The following MGAT2 variants were observed in gnomAD, a reference collection of about 807,000 sequenced individuals.
MGAT2 encodes the protein alpha-1,6-mannosyl-glycoprotein 2-beta-N-acetylglucosaminyltransferase.
MGAT2 carries 17 observed loss-of-function variants against 33.8 expected under a neutral mutation model. That is an observed-to-expected ratio of 0.50 (90% CI 0.34 to 0.76). MGAT2 has a LOEUF of 0.76. Among genes scored for constraint, MGAT2 ranks in the 30% least tolerant of loss-of-function variants. MGAT2 has a pLI of 0.01. For missense variants in MGAT2, 529 were observed against 553.9 expected (o/e 0.96, Z 0.45); for synonymous variants, 248 against 226.7 (o/e 1.09, Z -0.84).
chr14:49,621,024 G>C lies in MGAT2; in HGVS notation c.-245G>C. ...ACGAAGCCGAGCCGCGGCTCCTAGC[G>C]GCGGCGCCGATGCTCGAGCTGTAGC... On this transcript the variant is annotated 5_prime_UTR_variant, in exon 1 of 1. Coordinates refer to ENST00000305386, the MANE Select transcript of MGAT2 (RefSeq NM_002408.4). This position sits in a 1 kb window ranked among gnomAD's most constrained non-coding sequence, Gnocchi z 4.6. 1.4e-6 allele frequency: 1 copy of C among 707,936 alleles called. No individual in the cohort carries two copies. The highest frequency in any genetic ancestry group is 2.6e-6 in the Non-Finnish European group (1 of 390,286). The allele number at this position is 707,936 out of a possible 1,614,324, so 43.9% of individuals were successfully genotyped here.
rs1271938574 is a variant in MGAT2 at position 49,622,850 on chromosome 14, ATTG to A, written c.*242_*244del. 7 of 353,134 alleles carry A rather than the reference ATTG, an allele frequency of 2.0e-5. No homozygotes were observed. Among genetic ancestry groups the A allele is most frequent in the Admixed American group, 4.3e-5 (1 of 23,100 alleles). 21.9% of individuals were successfully genotyped at this position (353,134 alleles called of 1,614,324 possible). A position where few individuals can be genotyped will look rare whatever the true frequency, so the allele number is the denominator to read the frequency against. ...AATCTGTTATCTGCTAAAATTGATT[ATTG>A]TTGATATGAGAGAAGAGGGGAAATT... On this transcript the variant is annotated 3_prime_UTR_variant, in exon 1 of 1. Coordinates refer to ENST00000305386, the MANE Select transcript of MGAT2 (RefSeq NM_002408.4).
In MGAT2 at chr14:49,621,097, G is replaced by A. The variant is rs1278847888; in HGVS notation, c.-172G>A. 8 of 922,560 alleles carry A rather than the reference G, an allele frequency of 8.7e-6. 1 individual carries two copies. Among genetic ancestry groups the A allele is most frequent in the African/African-American group, 4.9e-5 (3 of 60,866 alleles). 57.1% of individuals were successfully genotyped at this position (922,560 alleles called of 1,614,324 possible). On this transcript the variant is annotated 5_prime_UTR_variant, in exon 1 of 1. Coordinates refer to ENST00000305386, the MANE Select transcript of MGAT2 (RefSeq NM_002408.4). The surrounding 1 kb of genome is among the most constrained non-coding windows in gnomAD (Gnocchi z 4.6). ...CGCAGGCGGCGCGGGGTAAATGAGAGGTCTCGGGCCCCAGGACCCCCGGGG... is the reference window on the plus strand; with the variant it reads ...CGCAGGCGGCGCGGGGTAAATGAGAAGTCTCGGGCCCCAGGACCCCCGGGG...
rs1236926817 is a variant in MGAT2 at position 49,622,556 on chromosome 14, G to A, written c.1288G>A (p.Gly430Arg). ...VAISPPRKNG[G>R]WGDIRDHELC... Reference sequence around the variant, plus strand: ...CATTTCCCCACCTAGAAAAAATGGAGGGTGGGGAGATATTAGGGACCATGA... The same window carrying A: ...CATTTCCCCACCTAGAAAAAATGGAAGGTGGGGAGATATTAGGGACCATGA... Residue 430 changes from glycine to arginine, a missense_variant, in exon 1 of 1, where the codon GGG becomes AGG. Physicochemically the swap from Gly to Arg is moderately radical, Grantham distance 125. Coordinates refer to ENST00000305386, the MANE Select transcript of MGAT2 (RefSeq NM_002408.4). 1 of 1,589,812 alleles carries A rather than the reference G, an allele frequency of 6.3e-7. No individual in the cohort carries two copies. The highest frequency in any genetic ancestry group is 1.4e-5 in the African/African-American group (1 of 73,430).
In MGAT2 at chr14:49,621,317, G is replaced by A. The variant is rs1353506273; in HGVS notation, c.49G>A (p.Val17Met). 1 of 1,612,556 alleles carries A rather than the reference G, an allele frequency of 6.2e-7. No individual in the cohort carries two copies. The highest frequency in any genetic ancestry group is 1.7e-5 in the Admixed American group (1 of 60,020). ...GAAGGTGCTAATCCTGACGCTCGTG[G>A]TGGCCGCCTGCGGCTTCGTCCTCTG... ...KRKVLILTLVVAACGFVLWSS... is the reference protein window; with the variant it reads ...KRKVLILTLVMAACGFVLWSS... The change falls in exon 1 of 1, where the codon GTG (valine) becomes ATG (methionine). Residue 17 changes from valine (V) to methionine (M), a missense_variant. Transcript: ENST00000305386. The surrounding 1 kb of genome is among the most constrained non-coding windows in gnomAD (Gnocchi z 4.6).
In MGAT2 at chr14:49,621,699, T is replaced by A; in HGVS notation, c.431T>A (p.Ile144Asn). 6.2e-7 allele frequency: 1 copy of A among 1,614,204 alleles called. No individual in the cohort carries two copies. Among genetic ancestry groups the A allele is most frequent in the South Asian group, 1.1e-5 (1 of 91,086 alleles). ...GACTCACTTCGAAAAGCCCAGGGAATTGACAACGTCCTCGTCATCTTTAGC... is the reference window on the plus strand; with the variant it reads ...GACTCACTTCGAAAAGCCCAGGGAAATGACAACGTCCTCGTCATCTTTAGC... ...LLDSLRKAQG[I>N]DNVLVIFSHD... The change falls in exon 1 of 1, where the codon ATT (isoleucine) becomes AAT (asparagine). Residue 144 changes from isoleucine (I) to asparagine (N), a missense_variant. Coordinates refer to ENST00000305386, the MANE Select transcript of MGAT2 (RefSeq NM_002408.4). The surrounding 1 kb of genome is among the most constrained non-coding windows in gnomAD (Gnocchi z 4.6).
rs1882825210 is a variant in MGAT2 at position 49,620,961 on chromosome 14, T to A, written c.-308T>A. The A allele has an allele frequency of 2.8e-6, 2 of 702,196 alleles. No homozygotes were observed. Among genetic ancestry groups the A allele is most frequent in the East Asian group, 2.7e-5 (1 of 37,246 alleles). The allele number at this position is 702,196 out of a possible 1,614,324, so 43.5% of individuals were successfully genotyped here. The stretch of plus-strand genomic sequence containing the variant: ...GTGCGGTTGGGACCGCGGCTGAGCT[T>A]TTTCCGGGACCCGTGGTGCTGAATG... On this transcript the variant is annotated 5_prime_UTR_variant, in exon 1 of 1. Transcript: ENST00000305386.
At position 49,622,111 on chromosome 14, in the gene MGAT2, A is replaced by C. The variant is rs1456405069; in HGVS notation, c.843A>C (p.Gln281His). ...VFKKMWKLKQ[Q>H]ECPECDVLSL... ...AAAAGATGTGGAAACTGAAGCAGCA[A>C]GAGTGCCCTGAATGTGATGTTCTCT... The change falls in exon 1 of 1, where the codon CAA becomes CAC. Residue 281 changes from glutamine (Q) to histidine (H), a missense_variant. Coordinates refer to ENST00000305386, the MANE Select transcript of MGAT2 (RefSeq NM_002408.4). The C allele has an allele frequency of 1.2e-6, 2 of 1,614,210 alleles. No individual in the cohort carries two copies. The highest frequency in any genetic ancestry group is 1.1e-5 in the South Asian group (1 of 91,092).
Position 49,622,708 on chromosome 14 carries a change from T to G in MGAT2, c.*96T>G. On this transcript the variant is annotated 3_prime_UTR_variant, in exon 1 of 1. Coordinates refer to ENST00000305386, the MANE Select transcript of MGAT2 (RefSeq NM_002408.4). ...AAGAGTTTAGGAACTGGTTTCTGCTTTAATACAAAAACAAAATCTTGTAAA... is the reference window on the plus strand; with the variant it reads ...AAGAGTTTAGGAACTGGTTTCTGCTGTAATACAAAAACAAAATCTTGTAAA... 1.5e-6 allele frequency: 2 copies of G among 1,319,650 alleles called. No homozygotes were observed. Among genetic ancestry groups the G allele is most frequent in the East Asian group, 4.9e-5 (2 of 40,444 alleles). The allele number at this position is 1,319,650 out of a possible 1,614,324, so 81.7% of individuals were successfully genotyped here.
chr14:49,622,742 A>G lies in MGAT2; in HGVS notation c.*130A>G, dbSNP rs1461544738. On this transcript the variant is annotated 3_prime_UTR_variant, in exon 1 of 1. Coordinates refer to ENST00000305386, the MANE Select transcript of MGAT2 (RefSeq NM_002408.4). ...AAACAAAATCTTGTAAAAGGTGTCC[A>G]AATACATAGTAATCTTTTCCAGTTA... is the stretch of plus-strand genomic sequence containing the variant. The G allele has an allele frequency of 7.0e-6, 6 of 858,292 alleles. No individual in the cohort carries two copies. Among genetic ancestry groups the G allele is most frequent in the Non-Finnish European group, 8.6e-6 (5 of 583,266 alleles). 53.2% of individuals were successfully genotyped at this position (858,292 alleles called of 1,614,324 possible).
rs948690045 is a variant in MGAT2 at position 49,620,982 on chromosome 14, G to C, written c.-287G>C. ...AGCTTTTTCCGGGACCCGTGGTGCTGAATGGAGAGGACGGAGACGAAGCCG... is the reference window on the plus strand; with the variant it reads ...AGCTTTTTCCGGGACCCGTGGTGCTCAATGGAGAGGACGGAGACGAAGCCG... On this transcript the variant is annotated 5_prime_UTR_variant, in exon 1 of 1. Transcript: ENST00000305386. 1.9e-5 allele frequency: 13 copies of C among 702,578 alleles called. No homozygotes were observed. Among genetic ancestry groups the C allele is most frequent in the Non-Finnish European group, 3.4e-5 (13 of 385,268 alleles). 43.5% of individuals were successfully genotyped at this position (702,578 alleles called of 1,614,324 possible). A position where few individuals can be genotyped will look rare whatever the true frequency, so the allele number is the denominator to read the frequency against.
At position 49,621,944 on chromosome 14, in the gene MGAT2, A is replaced by G; in HGVS notation, c.676A>G (p.Lys226Glu). ...CTCCTTCGGCCATTATAGAGAGGCC[A>G]AATTCTCCCAGACCAAACATCACTG... ...PDSFGHYREAKFSQTKHHWWW... is the reference protein window; with the variant it reads ...PDSFGHYREAEFSQTKHHWWW... Residue 226 changes from lysine (K) to glutamate (E), a missense_variant, in exon 1 of 1, where the codon AAA (lysine) becomes GAA (glutamate). Physicochemically the swap from Lys to Glu is moderately conservative, Grantham distance 56. This residue lies in a region of MGAT2 where 501 missense variants were observed against 501.1 expected (regional missense o/e 1.00). Coordinates refer to ENST00000305386, the MANE Select transcript of MGAT2 (RefSeq NM_002408.4). This position sits in a 1 kb window ranked among gnomAD's most constrained non-coding sequence, Gnocchi z 4.6. 1.2e-6 allele frequency: 2 copies of G among 1,614,224 alleles called. No individual in the cohort carries two copies. The highest frequency in any genetic ancestry group is 1.7e-6 in the Non-Finnish European group (2 of 1,180,038).
chr14:49,621,319 G>T lies in MGAT2; in HGVS notation c.51G>T (p.Val17=). 1 of 1,612,536 alleles carries T rather than the reference G, an allele frequency of 6.2e-7. No individual in the cohort carries two copies. Among genetic ancestry groups the T allele is most frequent in the Non-Finnish European group, 8.5e-7 (1 of 1,179,790 alleles). ...KRKVLILTLV[V]AACGFVLWSS... ...AGGTGCTAATCCTGACGCTCGTGGT[G>T]GCCGCCTGCGGCTTCGTCCTCTGGA... The change falls in exon 1 of 1, where the codon GTG becomes GTT. Residue 17 remains valine, a synonymous_variant. Coordinates refer to ENST00000305386, the MANE Select transcript of MGAT2 (RefSeq NM_002408.4). This position sits in a 1 kb window ranked among gnomAD's most constrained non-coding sequence, Gnocchi z 4.6.
In MGAT2 at chr14:49,621,337, C is replaced by G; in HGVS notation, c.69C>G (p.Val23=). ...LTLVVAACGF[V]LWSSNGRQRK... is the part of the protein sequence containing the mutation. ...TCGTGGTGGCCGCCTGCGGCTTCGTCCTCTGGAGCAGCAATGGGCGACAAA... is the reference window on the plus strand; with the variant it reads ...TCGTGGTGGCCGCCTGCGGCTTCGTGCTCTGGAGCAGCAATGGGCGACAAA... Residue 23 remains valine, a synonymous_variant, in exon 1 of 1, where the codon GTC becomes GTG. Coordinates refer to ENST00000305386, the MANE Select transcript of MGAT2 (RefSeq NM_002408.4). This position sits in a 1 kb window ranked among gnomAD's most constrained non-coding sequence, Gnocchi z 4.6. 6.2e-7 allele frequency: 1 copy of G among 1,612,548 alleles called. No homozygotes were observed. Among genetic ancestry groups the G allele is most frequent in the Non-Finnish European group, 8.5e-7 (1 of 1,179,772 alleles).
Position 49,621,894 on chromosome 14 carries a change from G to T in MGAT2, c.626G>T (p.Gly209Val). The change falls in exon 1 of 1, where the codon GGG becomes GTG. Residue 209 changes from glycine (G) to valine (V), a missense_variant. Transcript: ENST00000305386. The surrounding 1 kb of genome is among the most constrained non-coding windows in gnomAD (Gnocchi z 4.6). The stretch of plus-strand genomic sequence containing the variant: ...CCGAAGAATGCCGCTTTGAAATTGG[G>T]GTGCATCAATGCTGAGTATCCCGAC... The part of the protein sequence containing the change: ...DLPKNAALKL[G>V]CINAEYPDSF... 1 of 1,614,154 alleles carries T rather than the reference G, an allele frequency of 6.2e-7. No homozygotes were observed.
chr14:49,621,066 G>A lies in MGAT2; in HGVS notation c.-203G>A. Reference sequence around the variant, plus strand: ...AGCTGTAGCTGCCAGGCGAGGATGTGTGGAGCGCAGGCGGCGCGGGGTAAA... The same window carrying A: ...AGCTGTAGCTGCCAGGCGAGGATGTATGGAGCGCAGGCGGCGCGGGGTAAA... On this transcript the variant is annotated 5_prime_UTR_variant, in exon 1 of 1. The change creates a new upstream start codon in the 5' untranslated region. Coordinates refer to ENST00000305386, the MANE Select transcript of MGAT2 (RefSeq NM_002408.4). The surrounding 1 kb of genome is among the most constrained non-coding windows in gnomAD (Gnocchi z 4.6). The A allele has an allele frequency of 1.3e-6, 1 of 766,064 alleles. No individual in the cohort carries two copies. The highest frequency in any genetic ancestry group is 2.3e-6 in the Non-Finnish European group (1 of 444,436). The allele number at this position is 766,064 out of a possible 1,614,324, so 47.5% of individuals were successfully genotyped here.
rs1882879872 is a variant in MGAT2, at chr14:49,622,355, A to C, written c.1087A>C (p.Lys363Gln). ...LTVSCLPKFW[K>Q]VLVPQIPRIF... ...TGTATCTTGTCTTCCAAAATTCTGG[A>C]AAGTGCTGGTTCCTCAAATTCCTAG... The change falls in exon 1 of 1, where the codon AAA (lysine) becomes CAA (glutamine). Residue 363 changes from lysine to glutamine, a missense_variant. By Grantham distance (53) the Lys-to-Gln change is moderately conservative (BLOSUM62 1). Around this residue, in one of 2 missense-constraint regions of MGAT2, gnomAD observed 501 missense variants for 501.1 expected, o/e 1.00. Transcript: ENST00000305386. 1 of 1,614,062 alleles carries C rather than the reference A, an allele frequency of 6.2e-7. No individual in the cohort carries two copies. The highest frequency in any genetic ancestry group is 1.3e-5 in the African/African-American group (1 of 74,934).
chr14:49,621,260 C>T lies in MGAT2; in HGVS notation c.-9C>T, dbSNP rs776575035. 3.1e-6 allele frequency: 5 copies of T among 1,612,078 alleles called. No individual in the cohort carries two copies. Among genetic ancestry groups the T allele is most frequent in the Non-Finnish European group, 4.2e-6 (5 of 1,179,788 alleles). On this transcript the variant is annotated 5_prime_UTR_variant, in exon 1 of 1. Coordinates refer to ENST00000305386, the MANE Select transcript of MGAT2 (RefSeq NM_002408.4). The surrounding 1 kb of genome is among the most constrained non-coding windows in gnomAD (Gnocchi z 4.6). Reference sequence around the variant, plus strand: ...CGCCCGCCCGCCTGCGCTCCCGGCCCTGGAGACCATGAGGTTCCGCATCTA... The same window carrying T: ...CGCCCGCCCGCCTGCGCTCCCGGCCTTGGAGACCATGAGGTTCCGCATCTA...
rs1882892876 is a variant in MGAT2, at chr14:49,622,769, G to A, written c.*157G>A. ...ATACATAGTAATCTTTTCCAGTTAT[G>A]TCTGATTAAGATTTAAAACTGAAGG... On this transcript the variant is annotated 3_prime_UTR_variant, in exon 1 of 1. Transcript: ENST00000305386. The A allele has an allele frequency of 3.0e-6, 2 of 664,880 alleles. No homozygotes were observed. Among genetic ancestry groups the A allele is most frequent in the Non-Finnish European group, 4.7e-6 (2 of 428,578 alleles). 41.2% of individuals were successfully genotyped at this position (664,880 alleles called of 1,614,324 possible). A position where few individuals can be genotyped will look rare whatever the true frequency, so the allele number is the denominator to read the frequency against.
chr14:49,621,955 G>C lies in MGAT2; in HGVS notation c.687G>C (p.Gln229His). ...FGHYREAKFS[Q>H]TKHHWWWKLH... ...ATTATAGAGAGGCCAAATTCTCCCA[G>C]ACCAAACATCACTGGTGGTGGAAGC... Residue 229 changes from glutamine (Q) to histidine (H), a missense_variant, in exon 1 of 1, where the codon CAG (glutamine) becomes CAC (histidine). Physicochemically the swap from Gln to His is conservative, Grantham distance 24. Coordinates refer to ENST00000305386, the MANE Select transcript of MGAT2 (RefSeq NM_002408.4). The surrounding 1 kb of genome is among the most constrained non-coding windows in gnomAD (Gnocchi z 4.6). 1 of 1,614,176 alleles carries C rather than the reference G, an allele frequency of 6.2e-7. No individual in the cohort carries two copies. The highest frequency in any genetic ancestry group is 8.5e-7 in the Non-Finnish European group (1 of 1,180,034).
Sources: gnomAD v4.1 joint callset for allele counts on GRCh38, gnomAD v4.1.1 for gene constraint, gnomAD v4.1.1 regional missense constraint, Gnocchi (gnomAD v3.1) non-coding constraint, MANE v1.5 for transcripts, NCBI Gene and HGNC (gene_info 2026-07-23, HGNC 2026-07-21) for gene names.